Variants in FRS2 observed in about 807,000 individuals in gnomAD.
The protein encoded by FRS2 is fibroblast growth factor receptor substrate 2.
Under a neutral mutation model 43.9 loss-of-function variants are expected in FRS2, and 8 were observed. That is an observed-to-expected ratio of 0.18 (90% CI 0.11 to 0.33). The LOEUF (loss-of-function observed/expected upper bound fraction) is 0.33. Ranked by LOEUF, FRS2 falls within the 10% of genes least tolerant of loss-of-function variation. The pLI, the probability that FRS2 is intolerant of heterozygous loss-of-function variation, is 1.00. For missense variants in FRS2, 534 were observed against 627.6 expected, an observed-to-expected ratio of 0.85 and a Z score of 1.59; for synonymous variants, 219 against 220.3, an observed-to-expected ratio of 0.99 and a Z score of 0.05.
chr12:69,508,371 A>C (rs529152050), intron 1 of FRS2, among the ~76,000 whole-genome samples: 73 of 152,348 alleles, frequency 4.8e-4, no homozygotes, highest in African/African-American at 1.7e-3. Context: ...GTTAGGCTTT[A>C]GAATTGCTAC....
At chr12:69,475,523 A>G (rs1592900782) in intron 1 of FRS2, among the ~76,000 whole-genome samples, 1 of 152,198 alleles carries the variant, frequency 6.6e-6, no homozygotes, top group African/African-American at 2.4e-5. Flanking sequence ...CTTGGTTGTC[A>G]TTGGTCACAA....
chr12:69,508,174 C>A (rs115674308), intron 1 of FRS2, among the ~76,000 whole-genome samples: 1,899 of 151,508 alleles, frequency 0.013, 26 homozygotes, highest in African/African-American at 0.031. Context: ...CCATTTGTAT[C>A]ATTTGACATT....
intron 1 of FRS2, among the ~76,000 whole-genome samples, chr12:69,474,244 T>G (rs1870565318): frequency 6.6e-6 from 1 of 152,164 alleles, no homozygotes; most frequent in Admixed American, 6.5e-5. Flanking sequence ...TTGTTGACTT[T>G]TTTGTATACT....
intron 3 of FRS2, among the ~76,000 whole-genome samples, chr12:69,545,936 C>G (rs1049486831): frequency 6.6e-5 from 10 of 152,046 alleles, no homozygotes; most frequent in African/African-American, 2.2e-4. Flanking sequence ...GGATCTTCAC[C>G]TAGCACCATA....
intron 4 of FRS2, among the ~76,000 whole-genome samples, chr12:69,565,517 A>G (rs1297633465): frequency 6.6e-6 from 1 of 152,192 alleles, no homozygotes; most frequent in Non-Finnish European, 1.5e-5. Context: ...AGCTTAAAAC[A>G]CACACATTCT....
At chr12:69,508,928 A>T (rs1226716648) in intron 1 of FRS2, among the ~76,000 whole-genome samples, 1 of 152,116 alleles carries the variant, frequency 6.6e-6, no homozygotes, top group Non-Finnish European at 1.5e-5. Flanking sequence ...GGGGTAGTTT[A>T]GTGTTTATTA....
intron 3 of FRS2, 86 bp downstream of exon 3, chr12:69,532,142 ATTTAT>A: frequency 6.6e-6 from 1 of 152,452 alleles, no homozygotes; most frequent in Non-Finnish European, 1.5e-5. Context: ...GTTTCCATGT[ATTTAT>A]TTAATATCTT....
At chr12:69,521,888 A>G (rs1875694058) in intron 1 of FRS2, among the ~76,000 whole-genome samples, 1 of 152,188 alleles carries the variant, frequency 6.6e-6, no homozygotes, top group Non-Finnish European at 1.5e-5. Context: ...TGCTGGGATT[A>G]TAGGCGTGAG....
intron 1 of FRS2, among the ~76,000 whole-genome samples, chr12:69,481,943 C>T (rs1871379667): frequency 6.7e-6 from 1 of 150,228 alleles, no homozygotes; most frequent in South Asian, 2.1e-4. Flanking sequence ...TCTATAGTTA[C>T]TATTTTTCCT....
intron 3 of FRS2, among the ~76,000 whole-genome samples, chr12:69,549,892 G>A (rs1878724702): frequency 2.0e-5 from 3 of 152,274 alleles, no homozygotes; most frequent in South Asian, 2.1e-4. Flanking sequence ...TTCTTGGAGA[G>A]TGAATGTCCA....
rs1353507718 is a variant in FRS2, at chr12:69,530,854, C to G, written c.-260-11C>G. 1.3e-5 allele frequency: 2 copies of G among 152,482 alleles called. No homozygotes were observed. Among genetic ancestry groups the G allele is most frequent in the Non-Finnish European group, 2.9e-5 (2 of 68,038 alleles). The allele number at this position is 152,482 out of a possible 1,614,324, so 9.4% of individuals were successfully genotyped here. ...AGAGTAACATTCTTAATAACTTAAC[C>G]TATATTTCAGAAATGACCATTAAGA... On this transcript the variant is annotated splice_polypyrimidine_tract_variant and intron_variant, in intron 1 of 8. Transcript: ENST00000549921.
intron 1 of FRS2, among the ~76,000 whole-genome samples, chr12:69,511,314 C>A (rs1286242641): frequency 1.3e-5 from 2 of 152,268 alleles, no homozygotes; most frequent in East Asian, 3.9e-4. Flanking sequence ...GAGAATAAGA[C>A]ACAGTTGTTT....
intron 3 of FRS2, among the ~76,000 whole-genome samples, chr12:69,551,070 AAG>A (rs1446698723): frequency 3.9e-5 from 6 of 152,210 alleles, no homozygotes; most frequent in African/African-American, 1.4e-4. Context: ...GAAAGGAAGA[AAG>A]AAATATTCTC....
At chr12:69,507,773 C>T (rs929745576) in intron 1 of FRS2, among the ~76,000 whole-genome samples, 1 of 151,996 alleles carries the variant, frequency 6.6e-6, no homozygotes, top group Non-Finnish European at 1.5e-5. Context: ...GCCTGTAATC[C>T]CAGCACTTTG....
Position 69,571,390 on chromosome 12 carries a change from A to G in FRS2, c.368A>G (p.His123Arg). 1 of 1,613,010 alleles carries G rather than the reference A, an allele frequency of 6.2e-7. No individual in the cohort carries two copies. The highest frequency in any genetic ancestry group is 8.5e-7 in the Non-Finnish European group (1 of 1,179,218). ...VEEPVVERNNHQTELEVPRTP... is the reference protein window; with the variant it reads ...VEEPVVERNNRQTELEVPRTP... ...GAGCCAGTTGTAGAAAGAAATAATC[A>G]TCAGACAGAATTGGAAGTCCCTAGA... The change falls in exon 7 of 9, where the codon CAT becomes CGT. Residue 123 changes from histidine to arginine, a missense_variant. By Grantham distance (29) the His-to-Arg change is conservative. This residue lies in a region of FRS2 where 446 missense variants were observed against 494.2 expected (regional missense o/e 0.90). Transcript: ENST00000549921.
intron 1 of FRS2, among the ~76,000 whole-genome samples, chr12:69,489,379 A>T (rs1039475453): frequency 9.2e-5 from 14 of 152,290 alleles, no homozygotes; most frequent in Middle Eastern, 3.4e-3. Context: ...ATAAAAATTA[A>T]GCTTACAAGC....
At chr12:69,534,452 C>A (rs2135675575) in intron 3 of FRS2, among the ~76,000 whole-genome samples, 1 of 152,240 alleles carries the variant, frequency 6.6e-6, no homozygotes, top group East Asian at 1.9e-4. Flanking sequence ...TAAATCAACC[C>A]CTGTAATGTG....
intron 4 of FRS2, among the ~76,000 whole-genome samples, chr12:69,565,584 T>C (rs144281145): frequency 6.6e-6 from 1 of 152,304 alleles, no homozygotes; most frequent in East Asian, 1.9e-4. Flanking sequence ...GTTTTTAAAA[T>C]TTTTAATTTT....
chr12:69,559,880 T>G (rs2135771138), intron 3 of FRS2, among the ~76,000 whole-genome samples: 1 of 152,270 alleles, frequency 6.6e-6, no homozygotes, highest in East Asian at 1.9e-4. Context: ...GGCAGTTTTC[T>G]GTGCCCAAAA....
Sources: allele counts gnomAD v4.1 joint callset (sites outside exome capture counted in the v4.1 genomes callset), GRCh38; gene constraint gnomAD v4.1.1; regional missense constraint gnomAD v4.1.1; transcripts MANE v1.5; gene names NCBI Gene and HGNC (gene_info 2026-07-23, HGNC 2026-07-21).